CELF4: variants seen among roughly 807,000 people sequenced by gnomAD.
CELF4 encodes CUG-BP- and ETR-3-like factor 4.
In CELF4, 18 loss-of-function variants were observed where a neutral mutation model predicts 59.9. That is an observed-to-expected ratio of 0.30 (90% CI 0.21 to 0.45). The LOEUF (loss-of-function observed/expected upper bound fraction) is 0.45. CELF4 is among the 20% of genes least tolerant of loss of function. The pLI is 1.00. For missense variants in CELF4, 456 were observed against 689.0 expected, an observed-to-expected ratio of 0.66 and a Z score of 3.79; for synonymous variants, 261 against 267.1, an observed-to-expected ratio of 0.98 and a Z score of 0.22.
In CELF4 at chr18:37,254,526, G is replaced by GC; in HGVS notation, c.1334-589dup. 6.6e-6 allele frequency among the ~76,000 whole-genome samples: 1 copy of GC among 151,746 alleles called. No individual in the cohort carries two copies. The highest frequency in any genetic ancestry group is 6.5e-5 in the Admixed American group (1 of 15,274). The stretch of plus-strand genomic sequence containing the variant: ...GAGGCTGAGCCCTCGCGGGCCCTCC[G>GC]CCCCCACTCCCGGCCTCTGCCCGCC... On this transcript the variant is annotated intron_variant, in intron 11 of 12. Transcript: ENST00000420428. The surrounding 1 kb of genome is among the most constrained non-coding windows in gnomAD (Gnocchi z 5.1).
chr18:37,287,990 TCAGTCACAAC>T (rs531909079), intron 3 of CELF4, among the ~76,000 whole-genome samples: 9 of 152,142 alleles, frequency 5.9e-5, no homozygotes, highest in Non-Finnish European at 8.8e-5. Flanking sequence ...GGTCAGAAAA[TCAGTCACAAC>T]CACCCACACC....
chr18:37,461,124 C>T (rs1392358814), intron 2 of CELF4, among the ~76,000 whole-genome samples: 1 of 152,132 alleles, frequency 6.6e-6, no homozygotes, highest in Non-Finnish European at 1.5e-5. Flanking sequence ...AAGACAGGAG[C>T]CACCCCACAG....
At chr18:37,379,507 CAAAAA>C (rs56250210) in intron 2 of CELF4, among the ~76,000 whole-genome samples, 1,000 of 45,704 alleles carry the variant, frequency 0.022, 6 homozygotes, top group Middle Eastern at 0.14. Flanking sequence ...AGGCCATAAG[CAAAAA>C]AAAAAAAAAA....
chr18:37,392,568 A>T (rs918729244), intron 2 of CELF4, among the ~76,000 whole-genome samples: 11 of 151,982 alleles, frequency 7.2e-5, no homozygotes, highest in Non-Finnish European at 2.9e-5. Flanking sequence ...TGTTTCCTTC[A>T]CCTCCAAAGT....
chr18:37,551,148 G>A (rs2099983071), intron 1 of CELF4, among the ~76,000 whole-genome samples: 1 of 152,130 alleles, frequency 6.6e-6, no homozygotes, highest in Non-Finnish European at 1.5e-5. Flanking sequence ...CCATATCCCT[G>A]CAGGGAACTG....
chr18:37,555,765 A>G (rs977773016), intron 1 of CELF4, among the ~76,000 whole-genome samples: 1 of 152,222 alleles, frequency 6.6e-6, no homozygotes, highest in African/African-American at 2.4e-5. Context: ...GGAAGGGCAC[A>G]TACAATCTTA....
chr18:37,321,837 T>C lies in CELF4; in HGVS notation c.414A>G (p.Arg138=). ...GCTGGCGCAGGCAGCTACTACCTCC[T>C]CGGCTCTCGCTGTCCGCAGGCTTCA... ...IQVKPADSES[R]GGSSCLRQPP... The change falls in exon 3 of 13, where the codon CGA becomes CGG. Residue 138 remains arginine (R), a synonymous_variant. Coordinates refer to ENST00000420428, the MANE Select transcript of CELF4 (RefSeq NM_020180.4). 6.2e-7 allele frequency: 1 copy of C among 1,613,234 alleles called. No individual in the cohort carries two copies. Among genetic ancestry groups the C allele is most frequent in the Non-Finnish European group, 8.5e-7 (1 of 1,179,574 alleles).
At chr18:37,470,943 T>C (rs1342301504) in intron 2 of CELF4, among the ~76,000 whole-genome samples, 1 of 145,960 alleles carries the variant, frequency 6.9e-6, no homozygotes, top group Non-Finnish European at 1.5e-5. Flanking sequence ...TCTTTACATT[T>C]ATTATAAATC....
rs559023620 is a variant in CELF4, at chr18:37,477,869, G to A, written c.369+7656C>T. Among the ~76,000 whole-genome samples the A allele has an allele frequency of 1.1e-3, 169 of 152,270 alleles. 1 individual carries two copies. Among genetic ancestry groups the A allele is most frequent in the African/African-American group, 3.9e-3 (162 of 41,552 alleles). On this transcript the variant is annotated intron_variant, in intron 2 of 12. Transcript: ENST00000420428. ...CGCTGACTTGGGTGATGGCAGCCGT[G>A]ATCCAAGCCACATTGGGGCAGTGTG...
chr18:37,448,646 C>T (rs1460944035), intron 2 of CELF4, among the ~76,000 whole-genome samples: 2 of 152,256 alleles, frequency 1.3e-5, no homozygotes, highest in Non-Finnish European at 2.9e-5. Flanking sequence ...CTGCCGTGAG[C>T]TGCTCTGACC....
At chr18:37,309,119 T>G (rs2096553770) in intron 3 of CELF4, among the ~76,000 whole-genome samples, 1 of 152,166 alleles carries the variant, frequency 6.6e-6, no homozygotes, top group Non-Finnish European at 1.5e-5. Context: ...GAACCCAGCC[T>G]GAAGACTGAG....
rs912431678 is a variant in CELF4 at position 37,491,182 on chromosome 18, C to T, written c.287-5575G>A. 4.1e-5 allele frequency among the ~76,000 whole-genome samples: 6 copies of T among 146,928 alleles called. No individual in the cohort carries two copies. In the South Asian group the frequency reaches 1.1e-3, roughly 28 times the overall value. Reference sequence around the variant, plus strand: ...CCTCACCCGAGAGGGATGCCGTGCCCACCTCCTCTCCTCACCTGAGAGGGA... The same window carrying T: ...CCTCACCCGAGAGGGATGCCGTGCCTACCTCCTCTCCTCACCTGAGAGGGA... On this transcript the variant is annotated intron_variant, in intron 1 of 12. Coordinates refer to ENST00000420428, the MANE Select transcript of CELF4 (RefSeq NM_020180.4).
At chr18:37,496,986 G>T (rs1286478282) in intron 1 of CELF4, among the ~76,000 whole-genome samples, 1 of 152,202 alleles carries the variant, frequency 6.6e-6, no homozygotes. Flanking sequence ...GAGGCAGCTG[G>T]CCCCGGTCCT....
chr18:37,264,773 A>G lies in CELF4; in HGVS notation c.1166-16T>C. 6.4e-7 allele frequency: 1 copy of G among 1,558,726 alleles called. No homozygotes were observed. The highest frequency in any genetic ancestry group is 8.7e-7 in the Non-Finnish European group (1 of 1,149,252). ...TAGGCAGCTGCTGGAGGCCCAAGACAAGAAGCAAGAGCCGGCGACAAGGCA... is the reference window on the plus strand; with the variant it reads ...TAGGCAGCTGCTGGAGGCCCAAGACGAGAAGCAAGAGCCGGCGACAAGGCA... On this transcript the variant is annotated splice_polypyrimidine_tract_variant and intron_variant, in intron 9 of 12. Transcript: ENST00000420428.
At chr18:37,539,602 T>C (rs747756218) in intron 1 of CELF4, among the ~76,000 whole-genome samples, 6 of 151,872 alleles carry the variant, frequency 4.0e-5, no homozygotes, top group Non-Finnish European at 7.4e-5. Context: ...CATGTGTGTG[T>C]CTTCACTCAT....
chr18:37,416,697 G>A (rs547462806), intron 2 of CELF4, among the ~76,000 whole-genome samples: 1 of 152,200 alleles, frequency 6.6e-6, no homozygotes, highest in Non-Finnish European at 1.5e-5. Context: ...CCAGGGCTGG[G>A]TCTTCAGGAA....
chr18:37,320,065 C>T (rs551451663), intron 3 of CELF4, among the ~76,000 whole-genome samples: 12 of 152,324 alleles, frequency 7.9e-5, no homozygotes, highest in East Asian at 1.9e-4. Context: ...CAGCTGGGCG[C>T]GGTGGCTCAC....
rs185619120 is a variant in CELF4 at position 37,309,469 on chromosome 18, C to T, written c.448+12334G>A. On this transcript the variant is annotated intron_variant, in intron 3 of 12. Transcript: ENST00000420428. The stretch of plus-strand genomic sequence containing the variant: ...GGCTCTATTTACCTTCCTTCCAGAG[C>T]CCTAGCAGCTGCTGCTACAGGCAGT... 8.5e-5 allele frequency among the ~76,000 whole-genome samples: 13 copies of T among 152,270 alleles called. No individual in the cohort carries two copies. The East Asian group carries it at 2.5e-3, about 30-fold the overall frequency.
At chr18:37,456,788 G>C (rs1419453185) in intron 2 of CELF4, among the ~76,000 whole-genome samples, 1 of 152,152 alleles carries the variant, frequency 6.6e-6, no homozygotes, top group African/African-American at 2.4e-5. Context: ...GCCCAGGTGA[G>C]AGGCAAAGAT....
Sources: allele counts gnomAD v4.1 joint callset (sites outside exome capture counted in the v4.1 genomes callset), GRCh38; gene constraint gnomAD v4.1.1; non-coding constraint Gnocchi (gnomAD v3.1); transcripts MANE v1.5; gene names NCBI Gene and HGNC (gene_info 2026-07-23, HGNC 2026-07-21).